The following COL16A1 variants were observed in gnomAD, a reference collection of about 807,000 sequenced individuals.
The protein encoded by COL16A1 is collagen alpha-1(XVI) chain.
In COL16A1, 189 loss-of-function variants were observed where a neutral mutation model predicts 266.3. The ratio of observed to expected loss-of-function variants is 0.71; its 90% CI spans 0.63 to 0.80. The LOEUF is 0.80. COL16A1 is among the 30% of genes least tolerant of loss of function. COL16A1 has a pLI of 0.00. For synonymous variants in COL16A1, 740 were observed against 782.3 expected (o/e 0.95, Z 0.90); for missense variants, 1,928 against 2,122.4 (o/e 0.91, Z 1.80).
chr1:31,665,694 CGG>C, intron 54 of COL16A1, 76 bp from the exon 55 acceptor site: 1 of 1,590,934 alleles, frequency 6.3e-7, no homozygotes, highest in Non-Finnish European at 8.6e-7. Context: ...GAAAGAGTGA[CGG>C]GGGGGGCACC....
intron 60 of COL16A1, 134 bp from the exon 61 acceptor site, chr1:31,661,253 TAGAC>T (rs1641635801): frequency 7.4e-6 from 11 of 1,476,796 alleles, no homozygotes; most frequent in South Asian, 3.8e-5. Context: ...CTCCAGCTGG[TAGAC>T]AGAGAAGCCC....
chr1:31,695,622 G>A (rs1441627693), intron 10 of COL16A1, 139 bp downstream of exon 10: 1 of 847,924 alleles, frequency 1.2e-6, no homozygotes, highest in Non-Finnish European at 2.0e-6. Context: ...GGACAGACAG[G>A]GCCCAGCATC....
chr1:31,666,756 G>A (rs57844188), intron 52 of COL16A1, among the ~76,000 whole-genome samples: 10,174 of 152,038 alleles, frequency 0.067, 1,098 homozygotes, highest in African/African-American at 0.23. Context: ...CAGCTCATAT[G>A]CCACCTGCTC....
intron 26 of COL16A1, 21 bp from the exon 27 acceptor site, chr1:31,686,300 C>G (rs768869083): frequency 6.2e-7 from 1 of 1,614,008 alleles, no homozygotes; most frequent in African/African-American, 1.3e-5. Flanking sequence ...GCACAGAAAC[C>G]ATGATTAAAG....
rs539391520 is a variant in COL16A1, at chr1:31,664,996, C to A, written c.3555+176G>T. 3.9e-5 allele frequency among the ~76,000 whole-genome samples: 6 copies of A among 152,356 alleles called. No homozygotes were observed. The East Asian group carries it at 1.2e-3, about 29-fold the overall frequency. ...TCCCGAGGAGCCCACTGGTCCACTGCAAGCCCTGTCGGCCTCCAGTAGTCA... is the reference window on the plus strand; with the variant it reads ...TCCCGAGGAGCCCACTGGTCCACTGAAAGCCCTGTCGGCCTCCAGTAGTCA... On this transcript the variant is annotated intron_variant, in intron 56 of 70. Coordinates refer to ENST00000373672, the MANE Select transcript of COL16A1 (RefSeq NM_001856.4). The surrounding 1 kb of genome is among the most constrained non-coding windows in gnomAD (Gnocchi z 5.5).
At chr1:31,684,490 A>C in intron 31 of COL16A1, 33 bp downstream of exon 31, 2 of 1,588,888 alleles carry the variant, frequency 1.3e-6, no homozygotes, top group Non-Finnish European at 1.7e-6. Context: ...TATGCAACAA[A>C]CTCCCCGACC....
intron 58 of COL16A1, 71 bp from the exon 59 acceptor site, chr1:31,661,775 T>G: frequency 1.3e-6 from 2 of 1,485,968 alleles, no homozygotes; most frequent in Non-Finnish European, 1.8e-6. Context: ...ACCTCTGTCC[T>G]CCCCTCTCTC....
intron 34 of COL16A1, 68 bp downstream of exon 34, chr1:31,683,639 G>A (rs1224297503): frequency 3.4e-5 from 55 of 1,612,418 alleles, no homozygotes; most frequent in Non-Finnish European, 4.4e-5. Flanking sequence ...GTTTGGGAGT[G>A]GATGGAAGTA....
Position 31,657,140 on chromosome 1 carries a change from A to G in COL16A1, c.4021-72T>C. 3.1e-6 allele frequency: 5 copies of G among 1,588,040 alleles called. No homozygotes were observed. In the East Asian group the frequency reaches 6.7e-5, roughly 21 times the overall value. Reference sequence around the variant, plus strand: ...TGGTGTCAGATGCCTCACTTTGTACATGGGGCAAGCCCAGCCCCCTGTTCC... The same window carrying G: ...TGGTGTCAGATGCCTCACTTTGTACGTGGGGCAAGCCCAGCCCCCTGTTCC... On this transcript the variant is annotated intron_variant, in intron 64 of 70. Transcript: ENST00000373672. The surrounding 1 kb of genome is among the most constrained non-coding windows in gnomAD (Gnocchi z 6.4).
Position 31,688,968 on chromosome 1 carries a change from C to T in COL16A1, c.1660G>A (p.Glu554Lys), listed in dbSNP as rs747732494. ...GIQGIKGEKGEPCLSCSSVVG... is the reference protein window; with the variant it reads ...GIQGIKGEKGKPCLSCSSVVG... ...ACCGAGCTGCAGGACAAGCAGGGCT[C>T]CCCCTGGGGAAAGAAGAGGAAGGAT... is the stretch of plus-strand genomic sequence containing the variant. The change falls in exon 25 of 71, where the codon GAG becomes AAG. Residue 554 changes from glutamate to lysine, a missense_variant. Around this residue, in one of 2 missense-constraint regions of COL16A1, gnomAD observed 1,552 missense variants for 1,637.2 expected, o/e 0.95. Transcript: ENST00000373672. This position sits in a 1 kb window ranked among gnomAD's most constrained non-coding sequence, Gnocchi z 4.9. The T allele has an allele frequency of 1.2e-6, 2 of 1,614,086 alleles. No homozygotes were observed. Among genetic ancestry groups the T allele is most frequent in the Non-Finnish European group, 1.7e-6 (2 of 1,179,986 alleles).
At chr1:31,672,886 G>A (rs1225501607) in intron 44 of COL16A1, 46 bp from the exon 45 acceptor site, 2 of 1,577,380 alleles carry the variant, frequency 1.3e-6, no homozygotes, top group African/African-American at 2.7e-5. Flanking sequence ...TTAGAGATGG[G>A]CAGGATGGGC....
chr1:31,667,755 C>G, intron 51 of COL16A1, 127 bp from the exon 52 acceptor site: 1 of 935,456 alleles, frequency 1.1e-6, no homozygotes, highest in Non-Finnish European at 1.7e-6. Context: ...GGGAGGACCG[C>G]TGGGTGCTCC....
chr1:31,700,291 C>T (rs959772860), intron 2 of COL16A1, among the ~76,000 whole-genome samples, 176 bp from the exon 3 acceptor site: 5 of 152,224 alleles, frequency 3.3e-5, no homozygotes, highest in Admixed American at 6.5e-5. Context: ...CCTGGAGGCC[C>T]CCAACCCAGC....
chr1:31,661,304 C>A, intron 60 of COL16A1, 110 bp downstream of exon 60: 1 of 1,572,052 alleles, frequency 6.4e-7, no homozygotes, highest in Admixed American at 1.7e-5. Context: ...CCCCAGGAGG[C>A]TCTGATGCTG....
chr1:31,693,191 G>T (rs141034212), intron 12 of COL16A1, 37 bp from the exon 13 acceptor site: 81 of 1,369,796 alleles, frequency 5.9e-5, no homozygotes, highest in Admixed American at 2.4e-4. Flanking sequence ...AGGACCAGAG[G>T]GGGCACATGG....
intron 2 of COL16A1, chr1:31,701,455 T>C: frequency 1.0e-6 from 1 of 985,396 alleles, no homozygotes; most frequent in Non-Finnish European, 1.2e-6. Flanking sequence ...GTTTGGGTCC[T>C]AGGAGTTCTG....
chr1:31,696,171 G>A (rs755349312), intron 8 of COL16A1, 30 bp from the exon 9 acceptor site: 16 of 1,608,026 alleles, frequency 1.0e-5, no homozygotes, highest in Non-Finnish European at 8.5e-6. Flanking sequence ...AGAAACCCTT[G>A]AGGAGGGGGA....
Position 31,698,296 on chromosome 1 carries a change from C to T in COL16A1, c.391-124G>A, listed in dbSNP as rs1288836527. 7 of 1,539,618 alleles carry T rather than the reference C, an allele frequency of 4.5e-6. No individual in the cohort carries two copies. Among genetic ancestry groups the T allele is most frequent in the Middle Eastern group, 1.8e-4 (1 of 5,692 alleles). On this transcript the variant is annotated intron_variant, in intron 5 of 70. Coordinates refer to ENST00000373672, the MANE Select transcript of COL16A1 (RefSeq NM_001856.4). The surrounding 1 kb of genome is among the most constrained non-coding windows in gnomAD (Gnocchi z 4.1). The stretch of plus-strand genomic sequence containing the variant: ...ACTGAGGCCCAGAAAGAGAAGAAAG[C>T]CGGCTGGGGTCAAGGAGCTATACAT...
chr1:31,662,697 A>C, intron 56 of COL16A1, 39 bp from the exon 57 acceptor site: 3 of 1,241,476 alleles, frequency 2.4e-6, no homozygotes, highest in Non-Finnish European at 3.2e-6. Flanking sequence ...GCCCCACAAT[A>C]AAGTCAGCAG....
Sources: gnomAD v4.1 joint callset for allele counts (sites outside exome capture counted in the v4.1 genomes callset) on GRCh38, gnomAD v4.1.1 for gene constraint, gnomAD v4.1.1 regional missense constraint, Gnocchi (gnomAD v3.1) non-coding constraint, MANE v1.5 for transcripts, NCBI Gene and HGNC (gene_info 2026-07-23, HGNC 2026-07-21) for gene names.